ADAMTS14: variants seen among roughly 807,000 people sequenced by gnomAD.
The protein encoded by ADAMTS14 is ADAM metallopeptidase with thrombospondin type 1 motif 14, also known as A disintegrin and metalloproteinase with thrombospondin motifs 14.
Under a neutral mutation model 128.6 loss-of-function variants are expected in ADAMTS14, and 100 were observed. That is an observed-to-expected ratio of 0.78 (90% CI 0.66 to 0.92). The LOEUF (loss-of-function observed/expected upper bound fraction) is 0.92, where lower values mean the gene tolerates loss of function less well. Ranked by LOEUF, ADAMTS14 falls within the 40% of genes least tolerant of loss-of-function variation. The pLI is 0.00. For missense variants in ADAMTS14, 1,562 were observed against 1,658.6 expected (o/e 0.94, Z 1.01); for synonymous variants, 665 against 653.8 (o/e 1.02, Z -0.26).
intron 3 of ADAMTS14, among the ~76,000 whole-genome samples, chr10:70,707,064 C>T (rs1270618341): frequency 6.6e-6 from 1 of 152,248 alleles, no homozygotes; most frequent in East Asian, 1.9e-4. Context: ...AGTGACCCCT[C>T]CTCTGGATGC....
At chr10:70,714,278 G>A (rs565636345) in intron 4 of ADAMTS14, among the ~76,000 whole-genome samples, 4 of 152,236 alleles carry the variant, frequency 2.6e-5, no homozygotes, top group African/African-American at 7.2e-5. Context: ...TTGTAGACTC[G>A]ACCTCATTTA....
intron 9 of ADAMTS14, among the ~76,000 whole-genome samples, chr10:70,736,153 A>G (rs932302890): frequency 9.9e-5 from 15 of 152,236 alleles, no homozygotes; most frequent in Middle Eastern, 3.4e-3. Flanking sequence ...GATAAGAGGG[A>G]ATATTAAGGA....
At chr10:70,704,006 G>T (rs11595288) in intron 3 of ADAMTS14, among the ~76,000 whole-genome samples, 1 of 152,090 alleles carries the variant, frequency 6.6e-6, no homozygotes, top group Non-Finnish European at 1.5e-5. Context: ...TTCTAGGCGT[G>T]CCTGTCTCCA....
At chr10:70,746,578 T>C (rs956214045) in intron 15 of ADAMTS14, among the ~76,000 whole-genome samples, 5 of 151,976 alleles carry the variant, frequency 3.3e-5, no homozygotes, top group Admixed American at 6.6e-5. Flanking sequence ...GAGGCCAAGG[T>C]GGGTGGATCG....
chr10:70,675,664 A>G (rs1839624846), intron 2 of ADAMTS14, among the ~76,000 whole-genome samples: 1 of 152,150 alleles, frequency 6.6e-6, no homozygotes, highest in African/African-American at 2.4e-5. Flanking sequence ...TGCTTCCCAG[A>G]GTCTGGGAGC....
Position 70,744,074 on chromosome 10 carries a change from C to A in ADAMTS14, c.2067C>A (p.Gly689=). 4 of 1,563,608 alleles carry A rather than the reference C, an allele frequency of 2.6e-6. No homozygotes were observed. The highest frequency in any genetic ancestry group is 3.5e-6 in the Non-Finnish European group (4 of 1,154,154). The part of the protein sequence containing the change: ...VCARGECVPV[G]CDKEVGSMKA... ...CTCACCTCTGGCCTCAGCCTGTCGG[C>A]TGTGACAAGGAGGTGGGGTCCATGA... Residue 689 remains glycine, a synonymous_variant, in exon 14 of 22, where the codon GGC becomes GGA. Coordinates refer to ENST00000373207, the MANE Select transcript of ADAMTS14 (RefSeq NM_080722.4).
intron 4 of ADAMTS14, among the ~76,000 whole-genome samples, chr10:70,721,452 C>G (rs1195300898): frequency 2.0e-5 from 3 of 151,768 alleles, no homozygotes; most frequent in Non-Finnish European, 4.4e-5. Flanking sequence ...GTGGTGCGAT[C>G]TCAGCTCACT....
intron 11 of ADAMTS14, among the ~76,000 whole-genome samples, chr10:70,740,363 T>C (rs934804310): frequency 1.3e-5 from 2 of 152,244 alleles, no homozygotes; most frequent in Non-Finnish European, 2.9e-5. Flanking sequence ...TAGATGACTA[T>C]AAAATACCTT....
chr10:70,741,280 G>T, intron 12 of ADAMTS14, 118 bp downstream of exon 12: 1 of 1,259,450 alleles, frequency 7.9e-7, no homozygotes, highest in South Asian at 1.4e-5. Flanking sequence ...GACAGTGGGG[G>T]TGCCAAAAGG....
chr10:70,724,433 C>A (rs1841365050), intron 4 of ADAMTS14, among the ~76,000 whole-genome samples: 2 of 152,228 alleles, frequency 1.3e-5, no homozygotes, highest in African/African-American at 4.8e-5. Context: ...AGCTCCCTGG[C>A]CTCACCTCTG....
chr10:70,708,519 G>A, intron 3 of ADAMTS14, 69 bp from the exon 4 acceptor site: 2 of 1,395,476 alleles, frequency 1.4e-6, no homozygotes, highest in Non-Finnish European at 2.0e-6. Context: ...AGAGGTGGGT[G>A]GTGGGCAATG....
At chr10:70,701,678 A>T (rs1375903058) in intron 2 of ADAMTS14, among the ~76,000 whole-genome samples, 1 of 152,132 alleles carries the variant, frequency 6.6e-6, no homozygotes. Context: ...TTTAAAGGGA[A>T]TATTTGATGT....
chr10:70,726,776 T>C (rs1841443440), intron 4 of ADAMTS14, among the ~76,000 whole-genome samples: 2 of 152,136 alleles, frequency 1.3e-5, no homozygotes, highest in African/African-American at 4.8e-5. Context: ...ACTGATTGGG[T>C]GCCCCCTACT....
intron 2 of ADAMTS14, among the ~76,000 whole-genome samples, chr10:70,697,325 C>T (rs772476088): frequency 2.4e-4 from 36 of 152,288 alleles, no homozygotes; most frequent in Non-Finnish European, 3.2e-4. Context: ...ACTTAGGATC[C>T]CCCTTTCCCA....
Position 70,760,931 on chromosome 10 carries a change from G to A in ADAMTS14, c.*78G>A. 1 of 1,478,074 alleles carries A rather than the reference G, an allele frequency of 6.8e-7. No homozygotes were observed. The highest frequency in any genetic ancestry group is 1.4e-5 in the South Asian group (1 of 70,738). 91.6% of individuals were successfully genotyped at this position (1,478,074 alleles called of 1,614,324 possible). A position where few individuals can be genotyped will look rare whatever the true frequency, so the allele number is the denominator to read the frequency against. On this transcript the variant is annotated 3_prime_UTR_variant, in exon 22 of 22. Transcript: ENST00000373207. ...ACTCCCAGCTCAGAGGACACACATA[G>A]CAGGGCAGGCGCAAGCACAGACTTC...
intron 17 of ADAMTS14, 78 bp downstream of exon 17, chr10:70,751,724 T>C: frequency 6.6e-7 from 1 of 1,516,522 alleles, no homozygotes; most frequent in Non-Finnish European, 9.0e-7. Flanking sequence ...GGGACTGATG[T>C]TGTCTCCATT....
intron 6 of ADAMTS14, among the ~76,000 whole-genome samples, chr10:70,731,438 G>A (rs144618881): frequency 7.2e-4 from 110 of 152,286 alleles, no homozygotes; most frequent in African/African-American, 2.4e-3. Flanking sequence ...TGAAGGAATA[G>A]CTCTGTCTGG....
In ADAMTS14 at chr10:70,762,333, G is replaced by A. The variant is rs1021942439; in HGVS notation, c.*1480G>A. On this transcript the variant is annotated 3_prime_UTR_variant, in exon 22 of 22. Transcript: ENST00000373207. ...CTCCCTGGGATGCTGGGGCACACGCGGAGTCATTCCTGTGAGAACCAGCCT... is the reference window on the plus strand; with the variant it reads ...CTCCCTGGGATGCTGGGGCACACGCAGAGTCATTCCTGTGAGAACCAGCCT... 1.3e-5 allele frequency: 2 copies of A among 152,258 alleles called. No individual in the cohort carries two copies. The highest frequency in any genetic ancestry group is 6.5e-5 in the Admixed American group (1 of 15,284). The allele number at this position is 152,258 out of a possible 1,614,324, so 9.4% of individuals were successfully genotyped here.
Position 70,751,543 on chromosome 10 carries a change from C to T in ADAMTS14, c.2493C>T (p.Asp831=), listed in dbSNP as rs934335689. The change falls in exon 17 of 22, where the codon GAC becomes GAT. Residue 831 remains aspartate (D), a synonymous_variant. Transcript: ENST00000373207. ...CCTACAAGTACGTCATCCATGAGGA[C>T]CTGCTGCCCCTTATCGGGAGCAACA... is the stretch of plus-strand genomic sequence containing the variant. ...SLAYKYVIHE[D]LLPLIGSNNV... is the part of the protein sequence containing the mutation. 17 of 1,613,662 alleles carry T rather than the reference C, an allele frequency of 1.1e-5. No individual in the cohort carries two copies. Among genetic ancestry groups the T allele is most frequent in the Non-Finnish European group, 1.4e-5 (17 of 1,179,722 alleles).
Sources: allele counts gnomAD v4.1 joint callset (sites outside exome capture counted in the v4.1 genomes callset), GRCh38; gene constraint gnomAD v4.1.1; transcripts MANE v1.5; gene names NCBI Gene and HGNC (gene_info 2026-07-23, HGNC 2026-07-21).